The following TUT7 variants were observed in gnomAD, a reference collection of about 807,000 sequenced individuals.
TUT7 encodes the protein terminal uridylyltransferase 7.
Under a neutral mutation model 165.9 loss-of-function variants are expected in TUT7, and 33 were observed. The ratio of observed to expected loss-of-function variants is 0.20; its 90% CI spans 0.15 to 0.27. The LOEUF is 0.27. TUT7 is among the 10% of genes least tolerant of loss of function. TUT7 has a pLI of 1.00. For synonymous variants in TUT7, 552 were observed against 608.1 expected (o/e 0.91, Z 1.36); for missense variants, 1,338 against 1,762.3 (o/e 0.76, Z 4.31).
At chr9:86,302,547 G>C (rs1303580443) in intron 25 of TUT7, among the ~76,000 whole-genome samples, 1 of 151,354 alleles carries the variant, frequency 6.6e-6, no homozygotes, top group African/African-American at 2.4e-5. Context: ...TGAACTCCTG[G>C]CCTCAAGTGA....
At chr9:86,293,601 G>A (rs181032763) in intron 26 of TUT7, among the ~76,000 whole-genome samples, 75 of 152,228 alleles carry the variant, frequency 4.9e-4, no homozygotes, top group African/African-American at 1.1e-3. Flanking sequence ...CTGACTCTCC[G>A]GGATTGTCAA....
At position 86,344,990 on chromosome 9, in the gene TUT7, T is replaced by C; in HGVS notation, c.984A>G (p.Gln328=). ...TCTAGAAAATACCTGGTAACTTGTG[T>C]TGGAACACATTTTCCATGATACGTT... ...EIKRIMENVF[Q]HKLPDCSLRL... The change falls in exon 5 of 27, where the codon CAA becomes CAG. Residue 328 remains glutamine, a synonymous_variant. Transcript: ENST00000375963. 1 of 1,611,990 alleles carries C rather than the reference T, an allele frequency of 6.2e-7. No individual in the cohort carries two copies. Among genetic ancestry groups the C allele is most frequent in the Non-Finnish European group, 8.5e-7 (1 of 1,179,252 alleles).
chr9:86,344,414 T>C (rs1831577159), intron 5 of TUT7, among the ~76,000 whole-genome samples: 2 of 152,050 alleles, frequency 1.3e-5, no homozygotes, highest in Non-Finnish European at 1.5e-5. Context: ...ACACTCCAAA[T>C]AGTTGTGCCC....
Position 86,301,386 on chromosome 9 carries a change from A to T in TUT7, c.4310T>A (p.Val1437Glu). 4 of 1,613,892 alleles carry T rather than the reference A, an allele frequency of 2.5e-6. No homozygotes were observed. The highest frequency in any genetic ancestry group is 3.4e-6 in the Non-Finnish European group (4 of 1,179,986). ...LGREKILRPP[V>E]EKWKRQDDKD... Reference sequence around the variant, plus strand: ...GTCATCCTGTCTCTTCCATTTTTCTACTGGTGGCCTGAGGATCTTCTCCCT... The same window carrying T: ...GTCATCCTGTCTCTTCCATTTTTCTTCTGGTGGCCTGAGGATCTTCTCCCT... Residue 1437 changes from valine (V) to glutamate (E), a missense_variant, in exon 26 of 27, where the codon GTA (valine) becomes GAA (glutamate). By Grantham distance (121) the Val-to-Glu change is moderately radical. Coordinates refer to ENST00000375963, the MANE Select transcript of TUT7 (RefSeq NM_024617.4).
intron 10 of TUT7, among the ~76,000 whole-genome samples, chr9:86,336,211 ATC>A (rs1305982468): frequency 2.0e-5 from 3 of 152,176 alleles, no homozygotes; most frequent in Non-Finnish European, 4.4e-5. Context: ...CTAAATTCCT[ATC>A]TCTCTTAGAT....
intron 22 of TUT7, among the ~76,000 whole-genome samples, chr9:86,307,357 CTA>C (rs1827606084): frequency 6.6e-6 from 1 of 152,052 alleles, no homozygotes; most frequent in South Asian, 2.1e-4. Flanking sequence ...GTCAAAAATT[CTA>C]TGTGTTTGAC....
chr9:86,294,615 A>T (rs1000381661), intron 26 of TUT7, among the ~76,000 whole-genome samples: 1 of 151,902 alleles, frequency 6.6e-6, no homozygotes, highest in Non-Finnish European at 1.5e-5. Flanking sequence ...GAAAAGGAAC[A>T]GTTTCATTCA....
intron 10 of TUT7, among the ~76,000 whole-genome samples, chr9:86,331,739 T>A (rs1038600669): frequency 6.6e-6 from 1 of 152,326 alleles, no homozygotes; most frequent in African/African-American, 2.4e-5. Context: ...TAGAATATAG[T>A]CTTGCTTTTA....
intron 26 of TUT7, among the ~76,000 whole-genome samples, chr9:86,297,891 T>C (rs1018790870): frequency 1.5e-5 from 2 of 136,296 alleles, no homozygotes; most frequent in Admixed American, 8.2e-5. Flanking sequence ...ACTTCACCTC[T>C]ACCACTCACT....
At chr9:86,292,607 TAA>T (rs756543899) in intron 26 of TUT7, among the ~76,000 whole-genome samples, 36 of 129,696 alleles carry the variant, frequency 2.8e-4, no homozygotes, top group Non-Finnish European at 2.7e-4. Flanking sequence ...GGTCTTTTAT[TAA>T]AAAAAAAAAA....
intron 26 of TUT7, among the ~76,000 whole-genome samples, chr9:86,296,052 T>A (rs1172230281): frequency 2.0e-5 from 3 of 152,214 alleles, no homozygotes; most frequent in African/African-American, 7.2e-5. Flanking sequence ...AAAATTTCCA[T>A]TATTTGTTTG....
At position 86,303,215 on chromosome 9, in the gene TUT7, A is replaced by G; in HGVS notation, c.3979-14T>C. ...AAAAAAGTATTCCTAGAAGAACATAAATATATAAAAGCCTGAACTATTCAC... is the reference window on the plus strand; with the variant it reads ...AAAAAAGTATTCCTAGAAGAACATAGATATATAAAAGCCTGAACTATTCAC... On this transcript the variant is annotated splice_polypyrimidine_tract_variant and intron_variant, in intron 24 of 26. Coordinates refer to ENST00000375963, the MANE Select transcript of TUT7 (RefSeq NM_024617.4). The G allele has an allele frequency of 6.9e-7, 1 of 1,450,380 alleles. No homozygotes were observed. Among genetic ancestry groups the G allele is most frequent in the Non-Finnish European group, 9.6e-7 (1 of 1,043,094 alleles). The allele number at this position is 1,450,380 out of a possible 1,614,324, so 89.8% of individuals were successfully genotyped here. A position where few individuals can be genotyped will look rare whatever the true frequency, so the allele number is the denominator to read the frequency against.
chr9:86,345,586 C>T lies in TUT7; in HGVS notation c.819+83G>A, dbSNP rs575452501. On this transcript the variant is annotated intron_variant, in intron 4 of 26. Transcript: ENST00000375963. The stretch of plus-strand genomic sequence containing the variant: ...AGCAGTAAAGTTATCAATATCATAG[C>T]CTTAAGGAGAAGAAAGCCACAAAGA... The T allele has an allele frequency of 5.1e-6, 5 of 975,786 alleles. No individual in the cohort carries two copies. The African/African-American group carries it at 6.5e-5, about 13-fold the overall frequency. The allele number at this position is 975,786 out of a possible 1,614,324, so 60.4% of individuals were successfully genotyped here.
At chr9:86,301,197 TA>T in intron 26 of TUT7, 78 bp downstream of exon 26, 1 of 1,266,628 alleles carries the variant, frequency 7.9e-7, no homozygotes, top group Non-Finnish European at 1.1e-6. Flanking sequence ...TAAAGATAAC[TA>T]AAATAGTAAA....
At chr9:86,320,967 T>C (rs1829223754) in intron 14 of TUT7, among the ~76,000 whole-genome samples, 1 of 152,218 alleles carries the variant, frequency 6.6e-6, no homozygotes, top group Admixed American at 6.5e-5. Flanking sequence ...TTCTGGGGCC[T>C]GGATCTGCTT....
At chr9:86,320,647 T>C (rs1345107653) in intron 14 of TUT7, among the ~76,000 whole-genome samples, 1 of 152,216 alleles carries the variant, frequency 6.6e-6, no homozygotes, top group East Asian at 1.9e-4. Context: ...AACTGCCATC[T>C]AGAAAAACAT....
At chr9:86,293,732 G>GTCGC (rs1826065772) in intron 26 of TUT7, among the ~76,000 whole-genome samples, 2 of 152,242 alleles carry the variant, frequency 1.3e-5, no homozygotes, top group Middle Eastern at 3.4e-3. Context: ...CTATTCATTA[G>GTCGC]AGTGTTTTAT....
rs1485730268 is a variant in TUT7, at chr9:86,294,291, A to C, written c.4421-5547T>G. ...CCATGAGGCAAAAAAAAAAAAAAAA[A>C]AAAACCCAGAGAAGAGGAGAGGCAA... On this transcript the variant is annotated intron_variant, in intron 26 of 26. Transcript: ENST00000375963. Among the ~76,000 whole-genome samples, 5 of 151,846 alleles carry C rather than the reference A, an allele frequency of 3.3e-5. No homozygotes were observed. In the East Asian group the frequency reaches 5.8e-4, roughly 18 times the overall value.
In TUT7 at chr9:86,352,871, GA is replaced by G; in HGVS notation, c.328del (p.Ser110GlnfsTer16). On this transcript the variant is annotated frameshift_variant, in exon 2 of 27. Transcript: ENST00000375963. LOFTEE classifies it high-confidence loss of function. ...RWLSDEHTGN[S>X]DNWREFKPGP... The stretch of plus-strand genomic sequence containing the variant: ...AGGTTTGAATTCTCTCCAGTTGTCT[GA>G]ATTACCAGTATGTTCATCAGACAGC... 6.2e-7 allele frequency: 1 copy of G among 1,614,178 alleles called. No individual in the cohort carries two copies. Among genetic ancestry groups the G allele is most frequent in the Non-Finnish European group, 8.5e-7 (1 of 1,180,030 alleles).
Sources: gnomAD v4.1 joint callset for allele counts (sites outside exome capture counted in the v4.1 genomes callset) on GRCh38, gnomAD v4.1.1 for gene constraint, MANE v1.5 for transcripts, NCBI Gene and HGNC (gene_info 2026-07-23, HGNC 2026-07-21) for gene names.